The following CEP164 variants were observed in gnomAD, a reference collection of about 807,000 sequenced individuals.
The protein encoded by CEP164 is centrosomal protein of 164 kDa.
In CEP164, 162 loss-of-function variants were observed where a neutral mutation model predicts 182.7. The ratio of observed to expected loss-of-function variants is 0.89; its 90% CI spans 0.78 to 1.01. The LOEUF (loss-of-function observed/expected upper bound fraction) is 1.01, where lower values mean the gene tolerates loss of function less well. Ranked by LOEUF, CEP164 falls within the 50% of genes least tolerant of loss-of-function variation. The pLI, the probability that CEP164 is intolerant of heterozygous loss-of-function variation, is 0.00. For synonymous variants in CEP164, 661 were observed against 690.0 expected (o/e 0.96, Z 0.66); for missense variants, 1,735 against 1,790.4 (o/e 0.97, Z 0.56).
At chr11:117,380,194 C>T (rs140311391) in intron 11 of CEP164, among the ~76,000 whole-genome samples, 14 of 152,234 alleles carry the variant, frequency 9.2e-5, no homozygotes, top group Admixed American at 6.5e-4. Flanking sequence ...AATTTCAGCA[C>T]GCTTGTCATT....
intron 11 of CEP164, among the ~76,000 whole-genome samples, chr11:117,377,774 T>C (rs2042906334): frequency 6.6e-6 from 1 of 152,198 alleles, no homozygotes; most frequent in African/African-American, 2.4e-5. Flanking sequence ...TTGATAAGTT[T>C]TACCGTATTA....
intron 31 of CEP164, 53 bp downstream of exon 31, chr11:117,410,947 C>T: frequency 6.6e-7 from 1 of 1,523,332 alleles, no homozygotes; most frequent in South Asian, 1.2e-5. Flanking sequence ...GAGCTGCTCA[C>T]TGTGCCTCCC....
chr11:117,351,095 C>T (rs1010332079), intron 4 of CEP164, among the ~76,000 whole-genome samples: 1 of 152,264 alleles, frequency 6.6e-6, no homozygotes, highest in African/African-American at 2.4e-5. Flanking sequence ...TGCAATGGCA[C>T]AATCTTGGCT....
At chr11:117,342,151 A>G (rs1197753495) in intron 3 of CEP164, among the ~76,000 whole-genome samples, 1 of 152,172 alleles carries the variant, frequency 6.6e-6, no homozygotes. Context: ...AAGCTCCATA[A>G]TGGCAGTGAC....
chr11:117,354,397 G>A (rs1241338566), intron 5 of CEP164, among the ~76,000 whole-genome samples: 4 of 152,148 alleles, frequency 2.6e-5, no homozygotes, highest in Non-Finnish European at 5.9e-5. Context: ...TCTGGTTGGC[G>A]AGTTTCAGAC....
At chr11:117,356,832 A>T (rs527922471) in intron 5 of CEP164, among the ~76,000 whole-genome samples, 1 of 152,334 alleles carries the variant, frequency 6.6e-6, no homozygotes, top group Non-Finnish European at 1.5e-5. Flanking sequence ...GGCTGAGGGT[A>T]TCTCTGATTT....
At chr11:117,347,118 C>G (rs962788610) in intron 4 of CEP164, among the ~76,000 whole-genome samples, 5 of 152,118 alleles carry the variant, frequency 3.3e-5, no homozygotes, top group African/African-American at 1.2e-4. Context: ...CAGCTGCATA[C>G]TTTCCCGTGT....
chr11:117,336,274 A>G (rs2037096853), intron 2 of CEP164: 2 of 1,562,428 alleles, frequency 1.3e-6, no homozygotes, highest in African/African-American at 2.7e-5. Context: ...GTGCTTGTGC[A>G]TCTTTTTATG....
At chr11:117,322,484 T>C (rs1471564072) in intron 1 of CEP164, among the ~76,000 whole-genome samples, 1 of 152,174 alleles carries the variant, frequency 6.6e-6, no homozygotes, top group Non-Finnish European at 1.5e-5. Context: ...TTTTGAAATA[T>C]ACCGTATCAG....
At position 117,409,361 on chromosome 11, in the gene CEP164, C is replaced by G; in HGVS notation, c.3749-257C>G. On this transcript the variant is annotated intron_variant, in intron 29 of 32. Transcript: ENST00000278935. This position sits in a 1 kb window ranked among gnomAD's most constrained non-coding sequence, Gnocchi z 4.4. Reference sequence around the variant, plus strand: ...TGTATGTGACAGAAGGGCCCTCTCCCCTTCCTTCTCTCTGGGGTCCTGGGC... The same window carrying G: ...TGTATGTGACAGAAGGGCCCTCTCCGCTTCCTTCTCTCTGGGGTCCTGGGC... 1 of 574,238 alleles carries G rather than the reference C, an allele frequency of 1.7e-6. No individual in the cohort carries two copies. Among genetic ancestry groups the G allele is most frequent in the Non-Finnish European group, 3.1e-6 (1 of 324,916 alleles). The allele number at this position is 574,238 out of a possible 1,614,324, so 35.6% of individuals were successfully genotyped here.
intron 27 of CEP164, among the ~76,000 whole-genome samples, chr11:117,406,499 G>A (rs904373774): frequency 2.0e-5 from 3 of 152,220 alleles, no homozygotes; most frequent in African/African-American, 7.2e-5. Flanking sequence ...TAATGTGCAA[G>A]GCAGTAGTAA....
chr11:117,410,752 TG>T, intron 30 of CEP164, 75 bp from the exon 31 acceptor site: 3 of 1,231,024 alleles, frequency 2.4e-6, no homozygotes, highest in Non-Finnish European at 3.5e-6. Context: ...TTGTTTATTC[TG>T]GGGAGGCAAG....
At chr11:117,364,826 C>T (rs1458689507) in intron 8 of CEP164, among the ~76,000 whole-genome samples, 1 of 152,164 alleles carries the variant, frequency 6.6e-6, no homozygotes, top group Non-Finnish European at 1.5e-5. Flanking sequence ...TAGACTTTGC[C>T]TGTAACCTCA....
intron 5 of CEP164, among the ~76,000 whole-genome samples, chr11:117,354,539 C>T (rs1400114362): frequency 6.6e-6 from 1 of 152,080 alleles, no homozygotes; most frequent in Non-Finnish European, 1.5e-5. Flanking sequence ...CTGTCACATG[C>T]ACAATATAGT....
At chr11:117,362,339 C>T (rs983218403) in intron 6 of CEP164, 65 bp from the exon 7 acceptor site, 163 of 1,526,428 alleles carry the variant, frequency 1.1e-4, no homozygotes, top group Admixed American at 1.9e-4. Flanking sequence ...TGGGGAGGAG[C>T]ATTCTAAAGG....
upstream of CEP164, among the ~76,000 whole-genome samples, chr11:117,325,675 T>G (rs1457975589): frequency 6.6e-6 from 1 of 152,094 alleles, no homozygotes; most frequent in African/African-American, 2.4e-5. Context: ...TGTGAGCCAC[T>G]GTGACCGGCC....
At chr11:117,322,614 G>T (rs1297105603) in intron 1 of CEP164, among the ~76,000 whole-genome samples, 1 of 151,572 alleles carries the variant, frequency 6.6e-6, no homozygotes, top group Admixed American at 6.6e-5. Flanking sequence ...TGGAGTGCAT[G>T]GCACGATCTT....
chr11:117,333,496 A>G (rs1565401806), intron 1 of CEP164, among the ~76,000 whole-genome samples: 1 of 151,992 alleles, frequency 6.6e-6, no homozygotes, highest in Non-Finnish European at 1.5e-5. Flanking sequence ...AGTTTTTCAA[A>G]ATGTGTATCT....
chr11:117,393,169 ACACACATGCACG>A (rs773769416), intron 20 of CEP164, 43 bp downstream of exon 20: 2 of 1,597,200 alleles, frequency 1.3e-6, no homozygotes, highest in Non-Finnish European at 8.5e-7. Flanking sequence ...ACACATGCAC[ACACACATGCACG>A]CACATGCACA....
Sources: allele counts gnomAD v4.1 joint callset (sites outside exome capture counted in the v4.1 genomes callset), GRCh38; gene constraint gnomAD v4.1.1; non-coding constraint Gnocchi (gnomAD v3.1); transcripts MANE v1.5; gene names NCBI Gene and HGNC (gene_info 2026-07-23, HGNC 2026-07-21).